The following SPTLC2 variants were observed in gnomAD, a reference collection of about 807,000 sequenced individuals.
SPTLC2 encodes serine palmitoyltransferase 2.
Under a neutral mutation model 62.0 loss-of-function variants are expected in SPTLC2, and 21 were observed. The observed-to-expected ratio is 0.34, with a 90% confidence interval of 0.24 to 0.49. The LOEUF (loss-of-function observed/expected upper bound fraction) is 0.49, where lower values mean the gene tolerates loss of function less well. Among genes scored for constraint, SPTLC2 ranks in the 20% least tolerant of loss-of-function variants. The probability of loss-of-function intolerance (pLI) is 0.99; values close to 1 mark genes in which losing one functional copy is unlikely to be tolerated. For synonymous variants in SPTLC2, 261 were observed against 261.8 expected (o/e 1.00, Z 0.03); for missense variants, 511 against 713.0 (o/e 0.72, Z 3.23).
intron 2 of SPTLC2, among the ~76,000 whole-genome samples, chr14:77,588,994 C>A (rs2079798833): frequency 2.5e-5 from 1 of 40,722 alleles, no homozygotes; most frequent in Non-Finnish European, 3.9e-5. Flanking sequence ...AAGACCTTGT[C>A]TCAAAAAAAA....
At chr14:77,586,873 C>A (rs2079784445) in intron 2 of SPTLC2, among the ~76,000 whole-genome samples, 1 of 152,116 alleles carries the variant, frequency 6.6e-6, no homozygotes, top group African/African-American at 2.4e-5. Flanking sequence ...TACATATATA[C>A]CAATTGAACT....
At chr14:77,566,240 A>G (rs1324719938) in intron 5 of SPTLC2, among the ~76,000 whole-genome samples, 1 of 152,160 alleles carries the variant, frequency 6.6e-6, no homozygotes, top group Non-Finnish European at 1.5e-5. Flanking sequence ...TTTTTCCCTT[A>G]GAACTTATTC....
chr14:77,588,528 A>C (rs1354819977), intron 2 of SPTLC2, among the ~76,000 whole-genome samples: 2 of 44,220 alleles, frequency 4.5e-5, no homozygotes, highest in East Asian at 5.3e-4. Flanking sequence ...CTGTCTCTAC[A>C]AAAAAAAAAA....
At chr14:77,540,266 A>G (rs2079494038) in intron 9 of SPTLC2, among the ~76,000 whole-genome samples, 1 of 151,746 alleles carries the variant, frequency 6.6e-6, no homozygotes, top group Non-Finnish European at 1.5e-5. Flanking sequence ...TGAAGATCAG[A>G]CAGCAATAAA....
Position 77,534,178 on chromosome 14 carries a change from T to TCA in SPTLC2, c.1304-12599_1304-12598dup, listed in dbSNP as rs199819444. Among the ~76,000 whole-genome samples, 537 of 114,986 alleles carry TCA rather than the reference T, an allele frequency of 4.7e-3. 3 individuals carry two copies. Among genetic ancestry groups the TCA allele is most frequent in the African/African-American group, 0.018 (510 of 27,606 alleles). The allele number at this position is 114,986 out of a possible 152,430, so 75.4% of individuals were successfully genotyped here. On this transcript the variant is annotated intron_variant, in intron 9 of 11. Coordinates refer to ENST00000216484, the MANE Select transcript of SPTLC2 (RefSeq NM_004863.4). ...GTCTCTCTCTCTTTCTCTCTCTCTC[T>TCA]CACACACACACACACACACACACAC...
chr14:77,566,182 A>G, intron 5 of SPTLC2, among the ~76,000 whole-genome samples: 1 of 106,054 alleles, frequency 9.4e-6, no homozygotes. Flanking sequence ...CTTTTTAGAC[A>G]GCCTTTTTTA....
intron 8 of SPTLC2, among the ~76,000 whole-genome samples, chr14:77,553,358 C>T (rs2079565270): frequency 6.6e-6 from 1 of 152,114 alleles, no homozygotes; most frequent in African/African-American, 2.4e-5. Context: ...CTTTGGTTCA[C>T]AGCCACAAAG....
chr14:77,616,410 C>T, intron 1 of SPTLC2, 38 bp downstream of exon 1: 1 of 1,325,694 alleles, frequency 7.5e-7, no homozygotes, highest in Non-Finnish European at 9.7e-7. Flanking sequence ...CGCCAGTCCA[C>T]ACCGCCACCC....
intron 1 of SPTLC2, among the ~76,000 whole-genome samples, chr14:77,602,625 C>A (rs2079884400): frequency 6.6e-6 from 1 of 151,386 alleles, no homozygotes; most frequent in African/African-American, 2.4e-5. Context: ...TCATGGCTTA[C>A]TGCAGCCTCT....
intron 9 of SPTLC2, among the ~76,000 whole-genome samples, chr14:77,541,930 G>A (rs974674457): frequency 3.9e-5 from 6 of 152,066 alleles, no homozygotes; most frequent in East Asian, 1.9e-4. Flanking sequence ...AGTGGCACGC[G>A]CCTGTAGTCC....
intron 9 of SPTLC2, among the ~76,000 whole-genome samples, chr14:77,539,136 AAGATCATTT>A: frequency 6.8e-6 from 1 of 146,330 alleles, no homozygotes; most frequent in East Asian, 1.9e-4. Context: ...TTACATATGT[AAGATCATTT>A]ATATTATTTT....
At chr14:77,567,874 T>C (rs932860271) in intron 5 of SPTLC2, among the ~76,000 whole-genome samples, 1 of 152,164 alleles carries the variant, frequency 6.6e-6, no homozygotes. Flanking sequence ...TTACTTTTTT[T>C]CTAATACAGG....
Position 77,507,086 on chromosome 14 carries a change from C to T in SPTLC2, c.*5198G>A, listed in dbSNP as rs575980162. The T allele has an allele frequency of 1.3e-5, 2 of 152,188 alleles. No individual in the cohort carries two copies. Among genetic ancestry groups the T allele is most frequent in the Non-Finnish European group, 2.9e-5 (2 of 68,054 alleles). 9.4% of individuals were successfully genotyped at this position (152,188 alleles called of 1,614,324 possible). A position where few individuals can be genotyped will look rare whatever the true frequency, so the allele number is the denominator to read the frequency against. ...TGTGAATGTGACACTTCCAGACTCA[C>T]CAGAGATTAGAAAAAACATTTCTAT... On this transcript the variant is annotated 3_prime_UTR_variant, in exon 12 of 12. Coordinates refer to ENST00000216484, the MANE Select transcript of SPTLC2 (RefSeq NM_004863.4).
chr14:77,559,023 G>A (rs1054686040), intron 6 of SPTLC2, among the ~76,000 whole-genome samples: 2 of 152,122 alleles, frequency 1.3e-5, no homozygotes, highest in Non-Finnish European at 2.9e-5. Context: ...CAAAATTTTA[G>A]ATAAAAGAAG....
chr14:77,609,436 G>A (rs749980008), intron 1 of SPTLC2, among the ~76,000 whole-genome samples: 4 of 151,806 alleles, frequency 2.6e-5, no homozygotes, highest in Admixed American at 6.6e-5. Flanking sequence ...CTACTTTTTG[G>A]CTATTATAAA....
chr14:77,605,359 AAAT>A (rs1229328962), intron 1 of SPTLC2, among the ~76,000 whole-genome samples: 1 of 152,164 alleles, frequency 6.6e-6, no homozygotes, highest in East Asian at 1.9e-4. Context: ...AAAATTCAAA[AAAT>A]AATGAGACTT....
chr14:77,578,904 G>T (rs779462339), intron 3 of SPTLC2, 51 bp downstream of exon 3: 4 of 1,596,122 alleles, frequency 2.5e-6, no homozygotes, highest in Non-Finnish European at 2.6e-6. Flanking sequence ...TTTCTCAAAT[G>T]AAGAAACCCT....
intron 2 of SPTLC2, among the ~76,000 whole-genome samples, chr14:77,588,051 C>T (rs1458003230): frequency 6.6e-6 from 1 of 152,104 alleles, no homozygotes. Context: ...CTCCCCACCT[C>T]AGCCTCTCAA....
rs143790522 is a variant in SPTLC2 at position 77,588,613 on chromosome 14, T to C, written c.327+8573A>G. The stretch of plus-strand genomic sequence containing the variant: ...CAAGAAGCTGAGGTGGGAGAATCAC[T>C]GGAGCGTGGGAGGCAAAGGTTGCAG... On this transcript the variant is annotated intron_variant, in intron 2 of 11. Transcript: ENST00000216484. Among the ~76,000 whole-genome samples the C allele has an allele frequency of 8.0e-4, 120 of 150,798 alleles. 2 individuals are homozygous for C. The highest frequency in any genetic ancestry group is 2.8e-3 in the African/African-American group (116 of 40,950).
Sources: gnomAD v4.1 joint callset for allele counts (sites outside exome capture counted in the v4.1 genomes callset) on GRCh38, gnomAD v4.1.1 for gene constraint, MANE v1.5 for transcripts, NCBI Gene and HGNC (gene_info 2026-07-23, HGNC 2026-07-21) for gene names.